Variants in CSMD3 observed in about 807,000 individuals in gnomAD.
CSMD3 encodes CUB and sushi domain-containing protein 3.
In CSMD3, 177 loss-of-function variants were observed where a neutral mutation model predicts 435.2. The observed-to-expected ratio is 0.41, with a 90% CI of 0.36 to 0.46. The LOEUF (loss-of-function observed/expected upper bound fraction) is 0.46, where lower values mean the gene tolerates loss of function less well. Ranked by LOEUF, CSMD3 falls within the 20% of genes least tolerant of loss-of-function variation. The pLI, the probability that CSMD3 is intolerant of heterozygous loss-of-function variation, is 0.34. For missense variants in CSMD3, 4,265 were observed against 4,504.6 expected (o/e 0.95, Z 1.52); for synonymous variants, 1,656 against 1,520.5 (o/e 1.09, Z -2.07).
At chr8:113,039,662 G>C (rs1587945084) in intron 5 of CSMD3, among the ~76,000 whole-genome samples, 2 of 152,256 alleles carry the variant, frequency 1.3e-5, no homozygotes, top group East Asian at 3.9e-4. Context: ...GATTGTGAGA[G>C]TAAGGAGTAG....
chr8:113,407,815 C>T (rs2094539460), intron 1 of CSMD3, among the ~76,000 whole-genome samples: 1 of 152,090 alleles, frequency 6.6e-6, no homozygotes, highest in Admixed American at 6.5e-5. Flanking sequence ...AAGGAACATT[C>T]AGGATATATT....
intron 54 of CSMD3, among the ~76,000 whole-genome samples, chr8:112,293,883 T>C (rs1251454100): frequency 6.6e-6 from 1 of 152,182 alleles, no homozygotes; most frequent in Non-Finnish European, 1.5e-5. Context: ...TTTGGGAATT[T>C]AACTGCATCT....
intron 27 of CSMD3, among the ~76,000 whole-genome samples, chr8:112,546,471 G>A (rs1352685415): frequency 2.6e-5 from 4 of 152,144 alleles, no homozygotes; most frequent in African/African-American, 9.7e-5. Context: ...ATGGCTAAGG[G>A]ATATATTTCC....
intron 4 of CSMD3, among the ~76,000 whole-genome samples, chr8:113,112,426 T>TGTATATACATATATATAC (rs2090678368): frequency 6.7e-5 from 1 of 14,932 alleles, no homozygotes; most frequent in Non-Finnish European, 1.2e-4. Context: ...TATATATATA[T>TGTATATACATATATATAC]ATATATATAT....
At chr8:112,966,063 T>A (rs1410745556) in intron 7 of CSMD3, among the ~76,000 whole-genome samples, 1 of 151,746 alleles carries the variant, frequency 6.6e-6, no homozygotes, top group Non-Finnish European at 1.5e-5. Context: ...TATGGCAGGA[T>A]ATTGATAAAG....
At chr8:113,099,376 A>G (rs73340229) in intron 4 of CSMD3, among the ~76,000 whole-genome samples, 2 of 152,148 alleles carry the variant, frequency 1.3e-5, no homozygotes, top group African/African-American at 2.4e-5. Context: ...TGGTTTTTCA[A>G]TGCAAGTATG....
chr8:113,347,035 C>A (rs2094156245), intron 1 of CSMD3, among the ~76,000 whole-genome samples: 1 of 151,998 alleles, frequency 6.6e-6, no homozygotes, highest in Non-Finnish European at 1.5e-5. Context: ...TCACAGTTTA[C>A]AAAATCCAGA....
At chr8:113,354,736 C>A (rs1253603475) in intron 1 of CSMD3, among the ~76,000 whole-genome samples, 2 of 152,096 alleles carry the variant, frequency 1.3e-5, no homozygotes, top group Non-Finnish European at 2.9e-5. Flanking sequence ...ACTTCCTGGG[C>A]TCAAGCCATC....
intron 47 of CSMD3, among the ~76,000 whole-genome samples, chr8:112,315,443 A>G (rs1243723527): frequency 6.6e-6 from 1 of 151,910 alleles, no homozygotes; most frequent in Non-Finnish European, 1.5e-5. Context: ...AAGTTGATCA[A>G]TCCCTTTTTA....
intron 16 of CSMD3, among the ~76,000 whole-genome samples, chr8:112,668,915 G>C (rs2075590356): frequency 6.6e-6 from 1 of 151,374 alleles, no homozygotes; most frequent in African/African-American, 2.4e-5. Flanking sequence ...CAGGAGAAAG[G>C]AGAGGCTAAA....
At chr8:113,148,797 T>C in intron 4 of CSMD3, among the ~76,000 whole-genome samples, 1 of 151,842 alleles carries the variant, frequency 6.6e-6, no homozygotes, top group East Asian at 2.0e-4. Flanking sequence ...TTTACCTTCA[T>C]AAAAATAATC....
intron 3 of CSMD3, among the ~76,000 whole-genome samples, chr8:113,187,780 T>C (rs1428254541): frequency 6.6e-6 from 1 of 152,010 alleles, no homozygotes; most frequent in East Asian, 1.9e-4. Flanking sequence ...AACTACCCTT[T>C]AAACTGTCCT....
intron 10 of CSMD3, among the ~76,000 whole-genome samples, chr8:112,872,399 C>T (rs1224093463): frequency 4.0e-5 from 6 of 151,680 alleles, no homozygotes; most frequent in Non-Finnish European, 8.8e-5. Flanking sequence ...GTAGGGAACT[C>T]GAAAACAGAA....
chr8:113,242,931 A>T (rs2093235278), intron 3 of CSMD3, among the ~76,000 whole-genome samples: 1 of 151,980 alleles, frequency 6.6e-6, no homozygotes, highest in Non-Finnish European at 1.5e-5. Flanking sequence ...CTTTCTATAA[A>T]TTTAAAAAAA....
chr8:113,210,076 A>T (rs1055720623), intron 3 of CSMD3, among the ~76,000 whole-genome samples: 2 of 150,892 alleles, frequency 1.3e-5, no homozygotes, highest in South Asian at 2.1e-4. Context: ...TTTAAACTAC[A>T]TCCTTATTTT....
intron 5 of CSMD3, among the ~76,000 whole-genome samples, chr8:113,026,775 C>A (rs1455452336): frequency 6.6e-6 from 1 of 152,022 alleles, no homozygotes; most frequent in Non-Finnish European, 1.5e-5. Flanking sequence ...ATTCAAGGCC[C>A]ATCTAAAATT....
chr8:112,930,074 T>C (rs538252263), intron 9 of CSMD3, among the ~76,000 whole-genome samples: 6 of 152,216 alleles, frequency 3.9e-5, no homozygotes, highest in Admixed American at 2.0e-4. Context: ...ATAAATGAAA[T>C]AATTTAATGC....
chr8:112,813,680 T>C (rs1401068107), intron 12 of CSMD3, among the ~76,000 whole-genome samples: 1 of 152,142 alleles, frequency 6.6e-6, no homozygotes, highest in Non-Finnish European at 1.5e-5. Context: ...TTATCTTCAA[T>C]AGTGTTCATT....
intron 1 of CSMD3, among the ~76,000 whole-genome samples, chr8:113,373,026 ATATC>A (rs1430978573): frequency 3.9e-5 from 6 of 152,120 alleles, no homozygotes; most frequent in Non-Finnish European, 5.9e-5. Flanking sequence ...GCTGTAAAAT[ATATC>A]TATCTAATGG....
Sources: allele counts gnomAD v4.1 joint callset (sites outside exome capture counted in the v4.1 genomes callset), GRCh38; gene constraint gnomAD v4.1.1; transcripts MANE v1.5; gene names NCBI Gene and HGNC (gene_info 2026-07-23, HGNC 2026-07-21).